The following TUBGCP3 variants were observed in gnomAD, a reference collection of about 807,000 sequenced individuals.
The protein encoded by TUBGCP3 is gamma-tubulin complex component 3.
In TUBGCP3, 50 loss-of-function variants were observed where a neutral mutation model predicts 123.1. That is an observed-to-expected ratio of 0.41 (90% CI 0.32 to 0.51). The LOEUF is 0.51. Ranked by LOEUF, TUBGCP3 falls within the 20% of genes least tolerant of loss-of-function variation. The pLI, the probability that TUBGCP3 is intolerant of heterozygous loss-of-function variation, is 0.36. For missense variants in TUBGCP3, 882 were observed against 1,127.0 expected, an observed-to-expected ratio of 0.78 and a Z score of 3.11; for synonymous variants, 405 against 413.9, an observed-to-expected ratio of 0.98 and a Z score of 0.26.
intron 19 of TUBGCP3, among the ~76,000 whole-genome samples, chr13:112,503,326 G>A (rs951010657): frequency 3.4e-4 from 51 of 152,162 alleles, no homozygotes; most frequent in African/African-American, 7.0e-4. Context: ...AAGAATGTTC[G>A]CGAAAAATGT....
Position 112,556,027 on chromosome 13 carries a change from T to C in TUBGCP3, c.721+25A>G, listed in dbSNP as rs554884364. On this transcript the variant is annotated intron_variant, in intron 6 of 21. Transcript: ENST00000261965. ...GAATTCCAAGTGTTCACAGAAAAGC[T>C]GTATTAACATAGATCCTTACTCACC... 1.8e-5 allele frequency: 29 copies of C among 1,583,470 alleles called. No individual in the cohort carries two copies. In the South Asian group the frequency reaches 3.0e-4, roughly 16 times the overall value.
rs751934827 is a variant in TUBGCP3 at position 112,516,428 on chromosome 13, C to T, written c.2086+12G>A. 6 of 1,588,928 alleles carry T rather than the reference C, an allele frequency of 3.8e-6. No homozygotes were observed. The South Asian group carries it at 6.8e-5, about 18-fold the overall frequency. On this transcript the variant is annotated intron_variant, in intron 17 of 21. Transcript: ENST00000261965. ...GAGTGTGTGCGGACCCGTGACCGTG[C>T]TGGGGGCTCACCTGGCATGTTTCTC...
intron 1 of TUBGCP3, among the ~76,000 whole-genome samples, chr13:112,577,464 A>C (rs1312803467): frequency 2.0e-5 from 3 of 152,184 alleles, no homozygotes; most frequent in Admixed American, 6.5e-5. Context: ...CAAAATTCTC[A>C]AGATCATGAA....
intron 11 of TUBGCP3, among the ~76,000 whole-genome samples, chr13:112,543,346 G>C (rs1878686756): frequency 6.6e-6 from 1 of 152,126 alleles, no homozygotes; most frequent in South Asian, 2.1e-4. Context: ...CAAAGCTTCA[G>C]TTTTTATTTT....
At chr13:112,578,012 G>A (rs13379025) in intron 1 of TUBGCP3, among the ~76,000 whole-genome samples, 21,291 of 152,064 alleles carry the variant, frequency 0.14, 2,566 homozygotes, top group African/African-American at 0.33. Flanking sequence ...CTGAGGCAGG[G>A]CTTGCATGTC....
At chr13:112,602,427 G>A in the TUBGCP3 span, among the ~76,000 whole-genome samples, 23 of 152,174 alleles carry the variant, frequency 1.5e-4, no homozygotes, top group African/African-American at 4.3e-4. Context: ...AAACTCTTCC[G>A]TGAGCCACCA....
intron 1 of TUBGCP3, among the ~76,000 whole-genome samples, chr13:112,573,818 G>A (rs571862022): frequency 6.6e-6 from 1 of 152,172 alleles, no homozygotes; most frequent in African/African-American, 2.4e-5. Context: ...CCCCACCACT[G>A]AGTGCTGGGC....
At position 112,512,427 on chromosome 13, in the gene TUBGCP3, C is replaced by CAAAAAA. The variant is rs35550857; in HGVS notation, c.2086+4007_2086+4012dup. 4.9e-3 allele frequency among the ~76,000 whole-genome samples: 193 copies of CAAAAAA among 39,476 alleles called. 4 individuals carry two copies. Among genetic ancestry groups the CAAAAAA allele is most frequent in the African/African-American group, 0.017 (185 of 10,692 alleles). The allele number at this position is 39,476 out of a possible 152,430, so 25.9% of individuals were successfully genotyped here. A position where few individuals can be genotyped will look rare whatever the true frequency, so the allele number is the denominator to read the frequency against. ...TGGGCGACAGAGCAAGACTCTGTCT[C>CAAAAAA]AAAAAAAAAAAAAAAAAAAAAAAGG... On this transcript the variant is annotated intron_variant, in intron 17 of 21. Coordinates refer to ENST00000261965, the MANE Select transcript of TUBGCP3 (RefSeq NM_006322.6).
chr13:112,547,600 G>A lies in TUBGCP3; in HGVS notation c.1168+20C>T, dbSNP rs201064512. The A allele has an allele frequency of 2.3e-4, 342 of 1,481,326 alleles. No homozygotes were observed. The highest frequency in any genetic ancestry group is 2.7e-4 in the Non-Finnish European group (300 of 1,107,870). The allele number at this position is 1,481,326 out of a possible 1,614,324, so 91.8% of individuals were successfully genotyped here. A position where few individuals can be genotyped will look rare whatever the true frequency, so the allele number is the denominator to read the frequency against. ...AGTCGCGCGTGGGAAAGACGTGCGT[G>A]GGAAAGACGCGCGTGGGACCTTGGC... On this transcript the variant is annotated intron_variant, in intron 10 of 21. Transcript: ENST00000261965.
rs747319504 is a variant in TUBGCP3 at position 112,547,668 on chromosome 13, G to A, written c.1120C>T (p.Pro374Ser). 1.8e-5 allele frequency: 29 copies of A among 1,585,864 alleles called. No homozygotes were observed. The highest frequency in any genetic ancestry group is 2.5e-5 in the Non-Finnish European group (29 of 1,163,574). ...GCAAGGGTCTTCAGTCGTATTTTGGGATCATAGGTCCAAACCAGGAGGCGC... is the reference window on the plus strand; with the variant it reads ...GCAAGGGTCTTCAGTCGTATTTTGGAATCATAGGTCCAAACCAGGAGGCGC... ...LRRLLVWTYD[P>S]KIRLKTLAAL... Residue 374 changes from proline (P) to serine (S), a missense_variant, in exon 10 of 22, where the codon CCC becomes TCC. Transcript: ENST00000261965.
Position 112,565,686 on chromosome 13 carries a change from G to C in TUBGCP3, c.185-508C>G, listed in dbSNP as rs576105157. On this transcript the variant is annotated intron_variant, in intron 2 of 21. Transcript: ENST00000261965. ...GCGGTGGCTCACGCCTGTAATCCCA[G>C]CACTTTGGGAGACCGAGGCAGGTGG... Among the ~76,000 whole-genome samples, 8 of 152,328 alleles carry C rather than the reference G, an allele frequency of 5.3e-5. No homozygotes were observed. The East Asian group carries it at 1.5e-3, about 29-fold the overall frequency.
intron 11 of TUBGCP3, among the ~76,000 whole-genome samples, chr13:112,528,534 T>C (rs903123421): frequency 1.1e-4 from 16 of 152,252 alleles, no homozygotes; most frequent in African/African-American, 3.9e-4. Flanking sequence ...GGTCTTTTCA[T>C]GCCCTTGACC....
intron 18 of TUBGCP3, among the ~76,000 whole-genome samples, 160 bp downstream of exon 18, chr13:112,504,466 C>T (rs111734235): frequency 7.4e-6 from 1 of 134,686 alleles, no homozygotes; most frequent in African/African-American, 2.8e-5. Context: ...CCAGCCTAGG[C>T]GACAGCAAGA....
chr13:112,528,283 GCACAA>G (rs1877297842), intron 11 of TUBGCP3, among the ~76,000 whole-genome samples: 1 of 152,166 alleles, frequency 6.6e-6, no homozygotes, highest in African/African-American at 2.4e-5. Context: ...TTTTATAAAA[GCACAA>G]CTGCTGAATT....
chr13:112,559,869 T>C (rs1453458400), intron 3 of TUBGCP3, among the ~76,000 whole-genome samples: 2 of 152,230 alleles, frequency 1.3e-5, no homozygotes, highest in Non-Finnish European at 2.9e-5. Context: ...GAACAGGGGC[T>C]CACGCCTGTA....
Position 112,504,089 on chromosome 13 carries a change from T to C in TUBGCP3, c.2250A>G (p.Ala750=). The change falls in exon 19 of 22, where the codon GCA becomes GCG. Residue 750 remains alanine, a synonymous_variant. Coordinates refer to ENST00000261965, the MANE Select transcript of TUBGCP3 (RefSeq NM_006322.6). ...TGATGGTGTCTAAGAACACCTCGTG[T>C]GCAGCAATGATGTGATCCAAATCCT... ...QAQDLDHIIA[A]HEVFLDTIIS... 1 of 1,614,156 alleles carries C rather than the reference T, an allele frequency of 6.2e-7. No individual in the cohort carries two copies. The highest frequency in any genetic ancestry group is 2.2e-5 in the East Asian group (1 of 44,876).
chr13:112,522,651 T>TG, intron 13 of TUBGCP3, 142 bp from the exon 14 acceptor site: 1 of 705,600 alleles, frequency 1.4e-6, no homozygotes, highest in South Asian at 2.3e-5. Context: ...CACAGACAGC[T>TG]GGACATTCCA....
the TUBGCP3 span, among the ~76,000 whole-genome samples, chr13:112,595,313 C>T: frequency 1.3e-5 from 2 of 152,224 alleles, no homozygotes; most frequent in South Asian, 2.1e-4. Context: ...TCTCCTGCCT[C>T]AGCCTCCCCA....
At chr13:112,602,480 C>G in the TUBGCP3 span, among the ~76,000 whole-genome samples, 2 of 152,168 alleles carry the variant, frequency 1.3e-5, no homozygotes, top group Non-Finnish European at 2.9e-5. Flanking sequence ...GAATAACTCT[C>G]TTTTCCCTCG....
Sources: allele counts gnomAD v4.1 joint callset (sites outside exome capture counted in the v4.1 genomes callset), GRCh38; gene constraint gnomAD v4.1.1; transcripts MANE v1.5; gene names NCBI Gene and HGNC (gene_info 2026-07-23, HGNC 2026-07-21).